Variants in MACROD2 observed in about 807,000 individuals in gnomAD.
MACROD2 encodes the protein mono-ADP ribosylhydrolase 2.
MACROD2 carries 36 observed loss-of-function variants against 70.4 expected under a neutral mutation model. The observed-to-expected ratio is 0.51, with a 90% CI of 0.39 to 0.68. The LOEUF is 0.68. MACROD2 is among the 30% of genes least tolerant of loss of function. The probability of loss-of-function intolerance (pLI) is 0.00; values close to 1 mark genes in which losing one functional copy is unlikely to be tolerated. For missense variants in MACROD2, 496 were observed against 538.4 expected, an observed-to-expected ratio of 0.92 and a Z score of 0.78; for synonymous variants, 172 against 178.8, an observed-to-expected ratio of 0.96 and a Z score of 0.30.
intron 5 of MACROD2, among the ~76,000 whole-genome samples, chr20:14,932,289 A>G (rs1476381797): frequency 6.6e-6 from 1 of 152,118 alleles, no homozygotes; most frequent in Non-Finnish European, 1.5e-5. Context: ...AAATGAGCTG[A>G]AGGAACAGCC....
intron 5 of MACROD2, among the ~76,000 whole-genome samples, chr20:15,027,556 G>T (rs936741314): frequency 8.3e-6 from 1 of 119,906 alleles, no homozygotes; most frequent in African/African-American, 2.6e-5. Flanking sequence ...GGTGGTGGTG[G>T]TGGGGGGAAA....
intron 5 of MACROD2, among the ~76,000 whole-genome samples, chr20:15,119,231 C>A (rs1407070326): frequency 1.3e-5 from 2 of 152,146 alleles, no homozygotes; most frequent in African/African-American, 4.8e-5. Context: ...TTTTGCCTAT[C>A]TAGTTTCAAT....
intron 5 of MACROD2, among the ~76,000 whole-genome samples, chr20:14,777,536 G>A (rs1225116885): frequency 6.6e-6 from 1 of 151,898 alleles, no homozygotes; most frequent in Non-Finnish European, 1.5e-5. Flanking sequence ...TTTTTCTAAT[G>A]TTTGCTTGGA....
intron 3 of MACROD2, among the ~76,000 whole-genome samples, chr20:14,269,242 C>A (rs1011770515): frequency 5.3e-5 from 8 of 152,184 alleles, no homozygotes; most frequent in African/African-American, 1.9e-4. Context: ...AAGCATATGG[C>A]AAATCACTGG....
At chr20:14,400,771 T>C (rs73901245) in intron 3 of MACROD2, among the ~76,000 whole-genome samples, 2,343 of 152,288 alleles carry the variant, frequency 0.015, 61 homozygotes, top group African/African-American at 0.052. Flanking sequence ...TATGTTGTCT[T>C]ATATTTTTAG....
intron 8 of MACROD2, among the ~76,000 whole-genome samples, chr20:15,556,552 A>G (rs778202173): frequency 1.3e-5 from 2 of 152,234 alleles, no homozygotes; most frequent in Admixed American, 6.5e-5. Context: ...AAGTTCTTCA[A>G]TGATAAAAAT....
At chr20:14,226,521 C>T (rs571760082) in intron 3 of MACROD2, among the ~76,000 whole-genome samples, 2 of 152,122 alleles carry the variant, frequency 1.3e-5, no homozygotes, top group African/African-American at 2.4e-5. Flanking sequence ...GAGGCGCGAG[C>T]GGGAACCGGG....
chr20:14,416,413 C>T (rs2083805722), intron 3 of MACROD2, among the ~76,000 whole-genome samples: 1 of 152,108 alleles, frequency 6.6e-6, no homozygotes, highest in Admixed American at 6.5e-5. Flanking sequence ...GTGTACACAT[C>T]TTAATAATAT....
At chr20:15,254,929 C>CTTTT (rs762538763) in intron 6 of MACROD2, among the ~76,000 whole-genome samples, 9 of 80,522 alleles carry the variant, frequency 1.1e-4, no homozygotes, top group African/African-American at 1.4e-4. Flanking sequence ...CAAAGCACAC[C>CTTTT]TTTTTTTTTT....
At chr20:14,477,046 T>A (rs748193863) in intron 3 of MACROD2, among the ~76,000 whole-genome samples, 7 of 152,116 alleles carry the variant, frequency 4.6e-5, no homozygotes, top group African/African-American at 7.2e-5. Context: ...AGAGTTAACA[T>A]CAGAATAATC....
intron 5 of MACROD2, among the ~76,000 whole-genome samples, chr20:14,781,091 A>G (rs1464335976): frequency 6.6e-6 from 1 of 151,910 alleles, no homozygotes; most frequent in African/African-American, 2.4e-5. Flanking sequence ...TGAAATATAC[A>G]ATACATTACT....
intron 3 of MACROD2, among the ~76,000 whole-genome samples, chr20:14,396,644 G>T (rs1029652334): frequency 6.6e-6 from 1 of 151,922 alleles, no homozygotes; most frequent in Admixed American, 6.6e-5. Flanking sequence ...ATCCAATCTG[G>T]GCTGAGCGCA....
chr20:14,049,517 G>A (rs978703642), intron 2 of MACROD2, among the ~76,000 whole-genome samples: 1 of 151,244 alleles, frequency 6.6e-6, no homozygotes, highest in Non-Finnish European at 1.5e-5. Flanking sequence ...GAGGTGGACA[G>A]ATCACCTGAG....
chr20:15,995,681 A>ATTTTTTTTTTTT, intron 15 of MACROD2, among the ~76,000 whole-genome samples: 1 of 84,448 alleles, frequency 1.2e-5, no homozygotes, highest in Non-Finnish European at 2.6e-5. Context: ...ACTTTTTAAG[A>ATTTTTTTTTTTT]TTCCTCATAT....
chr20:15,814,380 C>A (rs11908247), intron 8 of MACROD2, among the ~76,000 whole-genome samples: 3,263 of 152,294 alleles, frequency 0.021, 131 homozygotes, highest in African/African-American at 0.074. Flanking sequence ...TGTATCAATA[C>A]CCCAGCTCCC....
At chr20:15,093,417 T>G (rs2075806586) in intron 5 of MACROD2, among the ~76,000 whole-genome samples, 1 of 152,156 alleles carries the variant, frequency 6.6e-6, no homozygotes, top group South Asian at 2.1e-4. Context: ...TATTTTTTCT[T>G]CTTTCTCATT....
At position 14,848,254 on chromosome 20, in the gene MACROD2, G is replaced by A. The variant is rs2073163258; in HGVS notation, c.418+163295G>A. Reference sequence around the variant, plus strand: ...TTCCTAGGGCTTACTTAAAGAACTTGTACACATCCACTGTCAAATATACTT... The same window carrying A: ...TTCCTAGGGCTTACTTAAAGAACTTATACACATCCACTGTCAAATATACTT... On this transcript the variant is annotated intron_variant, in intron 5 of 17. Transcript: ENST00000684519. Among the ~76,000 whole-genome samples the A allele has an allele frequency of 2.0e-5, 3 of 152,238 alleles. No individual in the cohort carries two copies. In the South Asian group the frequency reaches 6.2e-4, roughly 32 times the overall value.
At chr20:14,946,854 T>C (rs1303197975) in intron 5 of MACROD2, among the ~76,000 whole-genome samples, 1 of 152,162 alleles carries the variant, frequency 6.6e-6, no homozygotes, top group African/African-American at 2.4e-5. Context: ...AGGGAAGAAG[T>C]AGATTCAATT....
intron 5 of MACROD2, chr20:14,895,316 G>A (rs1423905896): frequency 6.6e-6 from 1 of 151,998 alleles, no homozygotes; most frequent in Non-Finnish European, 1.5e-5. Context: ...CTGAGTTATT[G>A]CTCTTCTATG....
Sources: allele counts gnomAD v4.1 joint callset (sites outside exome capture counted in the v4.1 genomes callset), GRCh38; gene constraint gnomAD v4.1.1; transcripts MANE v1.5; gene names NCBI Gene and HGNC (gene_info 2026-07-23, HGNC 2026-07-21).